Variants in NEBL observed in about 807,000 individuals in gnomAD.
NEBL encodes the protein nebulette.
NEBL carries 122 observed loss-of-function variants against 140.2 expected under a neutral mutation model. That is an observed-to-expected ratio of 0.87 (90% CI 0.75 to 1.01). The LOEUF is 1.01. NEBL is among the 50% of genes least tolerant of loss of function. NEBL has a pLI of 0.00. For synonymous variants in NEBL, 436 were observed against 398.9 expected (o/e 1.09, Z -1.11); for missense variants, 1,365 against 1,231.3 (o/e 1.11, Z -1.62).
chr10:21,232,064 A>T (rs947673971), intron 3 of NEBL, among the ~76,000 whole-genome samples: 5 of 152,162 alleles, frequency 3.3e-5, no homozygotes, highest in African/African-American at 1.2e-4. Flanking sequence ...ATGCCAGACA[A>T]GGGTTAAGTC....
intron 7 of NEBL, among the ~76,000 whole-genome samples, chr10:20,860,561 CAAAAAGA>C (rs1322985301): frequency 5.3e-4 from 33 of 61,948 alleles, no homozygotes; most frequent in East Asian, 9.5e-4. Flanking sequence ...AAGTTCACTA[CAAAAAGA>C]AAAAAAAAAA....
At chr10:21,184,990 G>A (rs766770294) in intron 3 of NEBL, among the ~76,000 whole-genome samples, 1 of 152,076 alleles carries the variant, frequency 6.6e-6, no homozygotes, top group Non-Finnish European at 1.5e-5. Flanking sequence ...AAGCATGAGG[G>A]CTTTGTTTTG....
At chr10:20,832,371 C>T (rs1050812371) in intron 14 of NEBL, among the ~76,000 whole-genome samples, 4 of 151,986 alleles carry the variant, frequency 2.6e-5, no homozygotes, top group African/African-American at 9.7e-5. Flanking sequence ...TAGATCAAGC[C>T]GTGCCTAGGA....
chr10:21,066,286 G>GA (rs1048006167), intron 2 of NEBL, among the ~76,000 whole-genome samples: 5 of 151,724 alleles, frequency 3.3e-5, no homozygotes, highest in Non-Finnish European at 7.4e-5. Flanking sequence ...TGCAGTTGTT[G>GA]AAAAAAAATG....
intron 3 of NEBL, among the ~76,000 whole-genome samples, chr10:21,226,040 C>A (rs746568501): frequency 6.6e-6 from 1 of 152,042 alleles, no homozygotes; most frequent in Non-Finnish European, 1.5e-5. Flanking sequence ...AGGTCCACAA[C>A]AAGTATTGCA....
chr10:21,110,743 C>T (rs984029657), intron 2 of NEBL: 7 of 502,542 alleles, frequency 1.4e-5, no homozygotes, highest in African/African-American at 5.8e-5. Flanking sequence ...CAAAGATTAT[C>T]GCTTTAAAGT....
intron 1 of NEBL, among the ~76,000 whole-genome samples, chr10:21,288,109 C>T (rs1329917374): frequency 2.0e-5 from 3 of 152,086 alleles, no homozygotes; most frequent in Non-Finnish European, 2.9e-5. Context: ...ACCTAGAAAC[C>T]ATTAAACAAA....
chr10:21,135,332 T>G (rs886318078), intron 2 of NEBL, among the ~76,000 whole-genome samples: 1 of 152,228 alleles, frequency 6.6e-6, no homozygotes, highest in Non-Finnish European at 1.5e-5. Flanking sequence ...CCTTAACTCC[T>G]TTGTGTGGTA....
chr10:21,108,527 C>G (rs921384250), intron 2 of NEBL, among the ~76,000 whole-genome samples: 1 of 152,138 alleles, frequency 6.6e-6, no homozygotes, highest in African/African-American at 2.4e-5. Context: ...GTCTGAGAGA[C>G]AGTTTGTTGT....
intron 2 of NEBL, among the ~76,000 whole-genome samples, chr10:21,164,291 A>G (rs532786377): frequency 6.6e-6 from 1 of 152,302 alleles, no homozygotes; most frequent in South Asian, 2.1e-4. Flanking sequence ...TCCTTCCTCT[A>G]GAGACTTAAA....
rs377541688 is a variant in NEBL, at chr10:20,985,051, G to A, written c.250-23272C>T. On this transcript the variant is annotated intron_variant, in intron 3 of 6. Coordinates refer to the NEBL transcript ENST00000417816. ...TGCCTAGTTGCAGGAAAATAAGCTC[G>A]GGGCACTCACTGATTCTACATGATG... Among the ~76,000 whole-genome samples, 176 of 152,160 alleles carry A rather than the reference G, an allele frequency of 1.2e-3. 1 individual carries two copies. Among genetic ancestry groups the A allele is most frequent in the African/African-American group, 4.0e-3 (168 of 41,520 alleles).
chr10:21,075,791 AAGGGATTGG>A (rs1836042267), intron 2 of NEBL, among the ~76,000 whole-genome samples: 1 of 152,220 alleles, frequency 6.6e-6, no homozygotes, highest in Non-Finnish European at 1.5e-5. Context: ...CATATCTAAT[AAGGGATTGG>A]TATCCAGAAT....
intron 13 of NEBL, among the ~76,000 whole-genome samples, chr10:20,840,315 T>C (rs1324718929): frequency 6.6e-6 from 1 of 152,050 alleles, no homozygotes; most frequent in Non-Finnish European, 1.5e-5. Context: ...AGAAACCACT[T>C]TCATTTGATA....
At chr10:20,799,197 C>G (rs555138793) in intron 26 of NEBL, among the ~76,000 whole-genome samples, 1 of 152,188 alleles carries the variant, frequency 6.6e-6, no homozygotes, top group Admixed American at 6.5e-5. Flanking sequence ...GCTCCGTCAC[C>G]CAGGCTGGAG....
chr10:20,933,854 T>C (rs928401633), intron 4 of NEBL, among the ~76,000 whole-genome samples: 1 of 152,206 alleles, frequency 6.6e-6, no homozygotes, highest in Non-Finnish European at 1.5e-5. Flanking sequence ...AGTTCTCAAG[T>C]GAGGACGGTT....
At chr10:20,984,437 C>G (rs994295391) in intron 3 of NEBL, among the ~76,000 whole-genome samples, 1 of 152,072 alleles carries the variant, frequency 6.6e-6, no homozygotes, top group Non-Finnish European at 1.5e-5. Context: ...ACTATTATTT[C>G]TAGAGAGAAG....
At chr10:21,172,518 C>G in intron 1 of NEBL, 1 of 1,453,002 alleles carries the variant, frequency 6.9e-7, no homozygotes, top group Non-Finnish European at 9.6e-7. Flanking sequence ...CAGTACAATG[C>G]CAGTTCTCAC....
intron 4 of NEBL, among the ~76,000 whole-genome samples, chr10:20,886,127 C>G (rs1228470325): frequency 1.3e-5 from 2 of 152,170 alleles, no homozygotes; most frequent in Non-Finnish European, 2.9e-5. Context: ...CACCATGGCA[C>G]ACGTTTACCT....
chr10:21,086,707 G>A (rs564733232), intron 2 of NEBL, among the ~76,000 whole-genome samples: 107 of 152,260 alleles, frequency 7.0e-4, no homozygotes, highest in African/African-American at 2.4e-3. Context: ...AGCCAGGGAG[G>A]TGGAGGTTGC....
Sources: gnomAD v4.1 joint callset for allele counts (sites outside exome capture counted in the v4.1 genomes callset) on GRCh38, gnomAD v4.1.1 for gene constraint, MANE v1.5 for transcripts, NCBI Gene and HGNC (gene_info 2026-07-23, HGNC 2026-07-21) for gene names.